The following OSGEPL1 variants were observed in gnomAD, a reference collection of about 807,000 sequenced individuals.
OSGEPL1 encodes tRNA N6-adenosine threonylcarbamoyltransferase, mitochondrial.
OSGEPL1 carries 26 observed loss-of-function variants against 37.2 expected under a neutral mutation model. That is an observed-to-expected ratio of 0.70 (90% confidence interval 0.51 to 0.97). The LOEUF (loss-of-function observed/expected upper bound fraction) is 0.97. Among genes scored for constraint, OSGEPL1 ranks in the 50% least tolerant of loss-of-function variants. The pLI is 0.00. For missense variants in OSGEPL1, 404 were observed against 487.0 expected, an observed-to-expected ratio of 0.83 and a Z score of 1.60; for synonymous variants, 140 against 159.9, an observed-to-expected ratio of 0.88 and a Z score of 0.94.
Position 189,761,622 on chromosome 2 carries a change from T to C in OSGEPL1, c.19A>G (p.Thr7Ala). ...GATGGTTTAAAAAAAACTCCTGCAG[T>C]CTTAGTCAAGATTAGCATACTTACT... MLILTK[T>A]AGVFFKPSKR... The change falls in exon 2 of 9, where the codon ACT (threonine) becomes GCT (alanine). Residue 7 changes from threonine (T) to alanine (A), a missense_variant. By Grantham distance (58) the Thr-to-Ala change is moderately conservative. Transcript: ENST00000264151. 6.2e-7 allele frequency: 1 copy of C among 1,601,338 alleles called. No homozygotes were observed. The highest frequency in any genetic ancestry group is 1.3e-5 in the African/African-American group (1 of 74,270).
rs2045024577 is a variant in OSGEPL1, at chr2:189,750,643, C to T, written c.1180G>A (p.Val394Ile). 1 of 1,583,290 alleles carries T rather than the reference C, an allele frequency of 6.3e-7. No homozygotes were observed. The highest frequency in any genetic ancestry group is 8.6e-7 in the Non-Finnish European group (1 of 1,165,054). Reference sequence around the variant, plus strand: ...TCTCCAACTTCTTTTGATATGTCTACTCCAAGAGGACATCTACATCATAAG... The same window carrying T: ...TCTCCAACTTCTTTTGATATGTCTATTCCAAGAGGACATCTACATCATAAG... The part of the protein sequence containing the change: ...IRYEPKCPLG[V>I]DISKEVGEAS... The change falls in exon 8 of 9, where the codon GTA (valine) becomes ATA (isoleucine). Residue 394 changes from valine (V) to isoleucine (I), a missense_variant. Val to Ile is a conservative substitution (Grantham distance 29). Coordinates refer to ENST00000264151, the MANE Select transcript of OSGEPL1 (RefSeq NM_022353.3).
In OSGEPL1 at chr2:189,761,569, T is replaced by C. The variant is rs200436466; in HGVS notation, c.72A>G (p.Arg24=). ...GTGTTCCAGGATGAAAATTAAAACT[T>C]CTTAAAAATTCATAAACTTTCCTTT... is the stretch of plus-strand genomic sequence containing the variant. ...PSKRKVYEFL[R]SFNFHPGTLF... is the part of the protein sequence containing the mutation. Residue 24 remains arginine (R), a synonymous_variant, in exon 2 of 9, where the codon AGA becomes AGG. Transcript: ENST00000264151. 1 of 1,610,644 alleles carries C rather than the reference T, an allele frequency of 6.2e-7. No individual in the cohort carries two copies.
chr2:189,760,251 C>T (rs750131788), intron 2 of OSGEPL1, among the ~76,000 whole-genome samples: 3 of 152,158 alleles, frequency 2.0e-5, no homozygotes, highest in Non-Finnish European at 4.4e-5. Context: ...CATCATGGCC[C>T]GTTCTCAATG....
At chr2:189,750,527 C>A (rs1348543447) in intron 8 of OSGEPL1, 23 bp downstream of exon 8, 2 of 935,798 alleles carry the variant, frequency 2.1e-6, no homozygotes, top group Non-Finnish European at 1.6e-6. Flanking sequence ...ACAATAAAAA[C>A]TTAATTTTAA....
rs768955708 is a variant in OSGEPL1 at position 189,754,076 on chromosome 2, A to T, written c.815-12T>A. 5.6e-6 allele frequency: 9 copies of T among 1,612,200 alleles called. No homozygotes were observed. In the East Asian group the frequency reaches 8.9e-5, roughly 16 times the overall value. On this transcript the variant is annotated splice_polypyrimidine_tract_variant and intron_variant, in intron 4 of 8. Transcript: ENST00000264151. ...CCCCTTCTCAATACCTGCAGAAATG[A>T]GCAGCTATTTTTAGGCACAATCCAG...
At chr2:189,756,362 G>A (rs2046087601) in intron 2 of OSGEPL1, among the ~76,000 whole-genome samples, 1 of 152,134 alleles carries the variant, frequency 6.6e-6, no homozygotes, top group African/African-American at 2.4e-5. Context: ...TTTACAATAT[G>A]AGAACTGGAG....
intron 7 of OSGEPL1, among the ~76,000 whole-genome samples, chr2:189,752,086 G>T (rs2045350223): frequency 6.6e-6 from 1 of 151,828 alleles, no homozygotes; most frequent in Admixed American, 6.6e-5. Context: ...AGAGGTTGCA[G>T]TGAGCCGAGA....
At position 189,754,220 on chromosome 2, in the gene OSGEPL1, A is replaced by C; in HGVS notation, c.735T>G (p.His245Gln). ...FHFDIKPPLH[H>Q]AKNCDFSFTG... ...TAAAAGAAAAATCACAATTTTTAGC[A>C]TGATGCAAGGGAGGTTTGATGTCAA... The change falls in exon 4 of 9, where the codon CAT (histidine) becomes CAG (glutamine). Residue 245 changes from histidine to glutamine, a missense_variant. Transcript: ENST00000264151. 1 of 1,613,906 alleles carries C rather than the reference A, an allele frequency of 6.2e-7. No individual in the cohort carries two copies. Among genetic ancestry groups the C allele is most frequent in the South Asian group, 1.1e-5 (1 of 91,076 alleles).
intron 8 of OSGEPL1, 76 bp from the exon 9 acceptor site, chr2:189,747,244 CAGG>C (rs1167817047): frequency 7.0e-6 from 1 of 143,052 alleles, no homozygotes; most frequent in Non-Finnish European, 1.5e-5. Context: ...GAGGCTAAGG[CAGG>C]AGGATTGCTT....
intron 8 of OSGEPL1, among the ~76,000 whole-genome samples, chr2:189,748,774 AC>A (rs1423667575): frequency 6.6e-6 from 1 of 152,208 alleles, no homozygotes; most frequent in African/African-American, 2.4e-5. Context: ...TTAGAGAGCA[AC>A]TTTTGAGCTC....
At position 189,746,719 on chromosome 2, in the gene OSGEPL1, A is replaced by G; in HGVS notation, c.*478T>C. ...TAATATGCAAATAACATAACTGAAT[A>G]ATCTTTTTGAATGAAAGTTCTTGAT... On this transcript the variant is annotated 3_prime_UTR_variant, in exon 9 of 9. Transcript: ENST00000264151. 7.7e-7 allele frequency: 1 copy of G among 1,299,114 alleles called. No homozygotes were observed. Among genetic ancestry groups the G allele is most frequent in the South Asian group, 1.8e-5 (1 of 56,574 alleles). The allele number at this position is 1,299,114 out of a possible 1,614,324, so 80.5% of individuals were successfully genotyped here. A position where few individuals can be genotyped will look rare whatever the true frequency, so the allele number is the denominator to read the frequency against.
rs537826685 is a variant in OSGEPL1 at position 189,760,814 on chromosome 2, C to A, written c.221+606G>T. ...CACCAAAAAAAAAGAAAAAAAAAATCTGGATTTCCATTTTCCCTTGAAAAT... is the reference window on the plus strand; with the variant it reads ...CACCAAAAAAAAAGAAAAAAAAAATATGGATTTCCATTTTCCCTTGAAAAT... On this transcript the variant is annotated intron_variant, in intron 2 of 8. Coordinates refer to ENST00000264151, the MANE Select transcript of OSGEPL1 (RefSeq NM_022353.3). 2.6e-5 allele frequency among the ~76,000 whole-genome samples: 4 copies of A among 151,960 alleles called. No individual in the cohort carries two copies. The East Asian group carries it at 7.8e-4, about 30-fold the overall frequency.
At chr2:189,755,617 T>A in intron 2 of OSGEPL1, 57 bp from the exon 3 acceptor site, 1 of 1,526,976 alleles carries the variant, frequency 6.5e-7, no homozygotes, top group South Asian at 1.3e-5. Flanking sequence ...TGAAGAAAAA[T>A]GATATTACAG....
At chr2:189,760,035 A>G (rs1407424125) in intron 2 of OSGEPL1, among the ~76,000 whole-genome samples, 1 of 152,184 alleles carries the variant, frequency 6.6e-6, no homozygotes, top group East Asian at 1.9e-4. Flanking sequence ...TTTAACCCTG[A>G]GTTGACACAG....
chr2:189,752,488 A>C (rs2105981721), intron 7 of OSGEPL1, among the ~76,000 whole-genome samples, 165 bp downstream of exon 7: 1 of 152,346 alleles, frequency 6.6e-6, no homozygotes, highest in African/African-American at 2.4e-5. Context: ...TAGCAAAAAT[A>C]TTTCTCATAT....
Position 189,761,591 on chromosome 2 carries a change from C to T in OSGEPL1, c.50G>A (p.Arg17Lys). ...ACTTCTTAAAAATTCATAAACTTTC[C>T]TTTTTGATGGTTTAAAAAAAACTCC... Reference protein sequence around the residue: ...TAGVFFKPSKRKVYEFLRSFN... With the variant: ...TAGVFFKPSKKKVYEFLRSFN... Residue 17 changes from arginine to lysine, a missense_variant, in exon 2 of 9, where the codon AGG becomes AAG. Transcript: ENST00000264151. The T allele has an allele frequency of 6.2e-7, 1 of 1,608,952 alleles. No homozygotes were observed. The highest frequency in any genetic ancestry group is 8.5e-7 in the Non-Finnish European group (1 of 1,177,950).
intron 2 of OSGEPL1, among the ~76,000 whole-genome samples, chr2:189,759,335 G>A (rs1470273608): frequency 6.6e-5 from 10 of 151,354 alleles, no homozygotes; most frequent in African/African-American, 2.2e-4. Context: ...TGCAAGCTCC[G>A]CCTCCCGGGT....
intron 1 of OSGEPL1, among the ~76,000 whole-genome samples, chr2:189,761,967 A>G (rs544332615): frequency 6.6e-5 from 10 of 152,334 alleles, no homozygotes; most frequent in East Asian, 3.9e-4. Flanking sequence ...GAAAAGTGCT[A>G]TTTATTTTTT....
In OSGEPL1 at chr2:189,754,316, A is replaced by T; in HGVS notation, c.639T>A (p.His213Gln). The T allele has an allele frequency of 6.2e-7, 1 of 1,609,602 alleles. No individual in the cohort carries two copies. Among genetic ancestry groups the T allele is most frequent in the Non-Finnish European group, 8.5e-7 (1 of 1,177,790 alleles). The change falls in exon 4 of 9, where the codon CAT becomes CAA. Residue 213 changes from histidine (H) to glutamine (Q), a missense_variant. Coordinates refer to ENST00000264151, the MANE Select transcript of OSGEPL1 (RefSeq NM_022353.3). Reference protein sequence around the residue: ...KVARRLSLIKHPECSTMSGGK... With the variant: ...KVARRLSLIKQPECSTMSGGK... Reference sequence around the variant, plus strand: ...CACCACTCATGGTGGAGCACTCTGGATGTTTTATTAAAGAAAGTCTTCTTG... The same window carrying T: ...CACCACTCATGGTGGAGCACTCTGGTTGTTTTATTAAAGAAAGTCTTCTTG...
Sources: allele counts gnomAD v4.1 joint callset (sites outside exome capture counted in the v4.1 genomes callset), GRCh38; gene constraint gnomAD v4.1.1; transcripts MANE v1.5; gene names NCBI Gene and HGNC (gene_info 2026-07-23, HGNC 2026-07-21).